Variants in KCNH5 observed in about 807,000 individuals in gnomAD.
KCNH5 encodes the protein voltage-gated delayed rectifier potassium channel KCNH5.
Under a neutral mutation model 96.1 loss-of-function variants are expected in KCNH5, and 46 were observed. The observed-to-expected ratio is 0.48, with a 90% CI of 0.38 to 0.61. The LOEUF (loss-of-function observed/expected upper bound fraction) is 0.61. Ranked by LOEUF, KCNH5 falls within the 20% of genes least tolerant of loss-of-function variation. The pLI, the probability that KCNH5 is intolerant of heterozygous loss-of-function variation, is 0.00. For missense variants in KCNH5, 907 were observed against 1,225.8 expected (o/e 0.74, Z 3.88); for synonymous variants, 439 against 449.8 (o/e 0.98, Z 0.30).
chr14:62,892,096 G>A lies in KCNH5; in HGVS notation c.1370-42244C>T, dbSNP rs188984507. On this transcript the variant is annotated intron_variant, in intron 7 of 10. Transcript: ENST00000322893. ...AGCTAGAAATAATTAAGCTTAGTGA[G>A]GAAGGTATGCCAAAAGCTGAAAGAG... is the stretch of plus-strand genomic sequence containing the variant. 1.4e-3 allele frequency among the ~76,000 whole-genome samples: 218 copies of A among 152,246 alleles called. 2 individuals carry two copies. In the Middle Eastern group the frequency reaches 0.024, roughly 17 times the overall value.
At chr14:62,957,143 G>C (rs117320010) in intron 6 of KCNH5, among the ~76,000 whole-genome samples, 184 of 152,270 alleles carry the variant, frequency 1.2e-3, no homozygotes, top group Admixed American at 3.0e-3. Context: ...AGTAGCACAA[G>C]GAACAGTATC....
intron 6 of KCNH5, among the ~76,000 whole-genome samples, chr14:62,966,646 T>C (rs759524484): frequency 3.0e-4 from 46 of 152,328 alleles, no homozygotes; most frequent in Admixed American, 6.5e-4. Context: ...CCTGCTCAGA[T>C]AAATGGTTTG....
At chr14:63,017,729 G>A (rs1476753569) in intron 1 of KCNH5, among the ~76,000 whole-genome samples, 1 of 150,950 alleles carries the variant, frequency 6.6e-6, no homozygotes. Context: ...AAATATATAA[G>A]TGAACACATT....
At chr14:63,003,787 A>C (rs1891074787) in intron 3 of KCNH5, among the ~76,000 whole-genome samples, 1 of 149,398 alleles carries the variant, frequency 6.7e-6, no homozygotes, top group Admixed American at 6.8e-5. Flanking sequence ...CGCCCGGCTA[A>C]TTTTTTGTAT....
At chr14:62,813,050 TCAGATTG>T (rs1886904055) in intron 8 of KCNH5, among the ~76,000 whole-genome samples, 1 of 152,116 alleles carries the variant, frequency 6.6e-6, no homozygotes, top group Admixed American at 6.6e-5. Context: ...TGTACCTATA[TCAGATTG>T]TCTAAGCACA....
At position 62,823,808 on chromosome 14, in the gene KCNH5, T is replaced by C. The variant is rs368713490; in HGVS notation, c.1570-21227A>G. 3.3e-5 allele frequency among the ~76,000 whole-genome samples: 5 copies of C among 152,056 alleles called. No individual in the cohort carries two copies. In the South Asian group the frequency reaches 1.0e-3, roughly 31 times the overall value. On this transcript the variant is annotated intron_variant, in intron 8 of 10. Transcript: ENST00000322893. Reference sequence around the variant, plus strand: ...TACTATTATATTTCTCTGACATTTATGCATCCCTGCTTGTCAATATGACTA... The same window carrying C: ...TACTATTATATTTCTCTGACATTTACGCATCCCTGCTTGTCAATATGACTA...
intron 8 of KCNH5, among the ~76,000 whole-genome samples, chr14:62,818,482 T>A (rs1887045868): frequency 6.6e-6 from 1 of 152,102 alleles, no homozygotes; most frequent in African/African-American, 2.4e-5. Flanking sequence ...AATACACACA[T>A]CACAGTGGCT....
intron 8 of KCNH5, among the ~76,000 whole-genome samples, chr14:62,840,289 A>T (rs1487935834): frequency 6.6e-6 from 1 of 152,106 alleles, no homozygotes; most frequent in Non-Finnish European, 1.5e-5. Context: ...AGTATAAGGT[A>T]TAGAGAAATA....
intron 10 of KCNH5, among the ~76,000 whole-genome samples, chr14:62,717,325 T>C (rs920834903): frequency 1.3e-5 from 2 of 152,080 alleles, no homozygotes; most frequent in Admixed American, 1.3e-4. Context: ...CCCAGAATAG[T>C]TGAAACAATA....
intron 8 of KCNH5, among the ~76,000 whole-genome samples, chr14:62,810,830 A>G (rs1886858554): frequency 6.6e-6 from 1 of 152,066 alleles, no homozygotes; most frequent in Non-Finnish European, 1.5e-5. Context: ...TTTCTTAATA[A>G]ACTTGCTTAA....
At chr14:62,949,518 G>A (rs1245662780) in intron 7 of KCNH5, among the ~76,000 whole-genome samples, 1 of 152,132 alleles carries the variant, frequency 6.6e-6, no homozygotes, top group Non-Finnish European at 1.5e-5. Flanking sequence ...TGTTCCTTTA[G>A]GGGGTATTCT....
chr14:62,746,105 T>C lies in KCNH5; in HGVS notation c.2019+33623A>G, dbSNP rs150284052. The stretch of plus-strand genomic sequence containing the variant: ...GTGTGAATTCATCAAATGGAAATTT[T>C]ACAATTTTCTCACGACCTGGCTCTG... On this transcript the variant is annotated intron_variant, in intron 10 of 10. Transcript: ENST00000322893. Among the ~76,000 whole-genome samples, 32 of 152,340 alleles carry C rather than the reference T, an allele frequency of 2.1e-4. No homozygotes were observed. In the East Asian group the frequency reaches 4.8e-3, roughly 23 times the overall value.
chr14:62,934,260 G>T (rs956478894), intron 7 of KCNH5, among the ~76,000 whole-genome samples: 1 of 151,870 alleles, frequency 6.6e-6, no homozygotes, highest in Non-Finnish European at 1.5e-5. Context: ...CCTAGTAGCT[G>T]AGACTACAGG....
chr14:63,022,243 G>A (rs11624884), intron 1 of KCNH5, among the ~76,000 whole-genome samples: 43,674 of 151,814 alleles, frequency 0.29, 7,478 homozygotes, highest in East Asian at 0.57. Flanking sequence ...CATTACCCTC[G>A]TATCTAATTA....
At chr14:62,838,574 G>T (rs1410653365) in intron 8 of KCNH5, among the ~76,000 whole-genome samples, 1 of 152,096 alleles carries the variant, frequency 6.6e-6, no homozygotes, top group African/African-American at 2.4e-5. Flanking sequence ...GAGTGGGAAG[G>T]ATAAGGAAAG....
intron 10 of KCNH5, among the ~76,000 whole-genome samples, chr14:62,765,789 T>A (rs1223544109): frequency 1.3e-5 from 2 of 151,984 alleles, no homozygotes; most frequent in Non-Finnish European, 2.9e-5. Flanking sequence ...TGGGCAAAAA[T>A]TTCTTGAGCA....
intron 7 of KCNH5, among the ~76,000 whole-genome samples, chr14:62,890,584 A>G (rs2140084680): frequency 6.6e-6 from 1 of 151,618 alleles, no homozygotes; most frequent in Middle Eastern, 3.4e-3. Flanking sequence ...CTGTAGTCCC[A>G]GCTACTTGGG....
chr14:62,960,886 C>A lies in KCNH5; in HGVS notation c.943-10327G>T, dbSNP rs145582493. ...TGCATAAAACCTGTATTAGCCAATT[C>A]ATATTCTAATTGAAACACAGTGGCA... On this transcript the variant is annotated intron_variant, in intron 6 of 10. Transcript: ENST00000322893. 1.8e-3 allele frequency among the ~76,000 whole-genome samples: 281 copies of A among 152,266 alleles called. 2 individuals carry two copies. The highest frequency in any genetic ancestry group is 6.6e-3 in the African/African-American group (275 of 41,560).
chr14:62,863,622 A>G (rs910197800), intron 7 of KCNH5, among the ~76,000 whole-genome samples: 8 of 152,208 alleles, frequency 5.3e-5, no homozygotes, highest in African/African-American at 1.9e-4. Flanking sequence ...CATTTAGTGC[A>G]ATTATTTCAT....
Sources: allele counts gnomAD v4.1 joint callset (sites outside exome capture counted in the v4.1 genomes callset), GRCh38; gene constraint gnomAD v4.1.1; transcripts MANE v1.5; gene names NCBI Gene and HGNC (gene_info 2026-07-23, HGNC 2026-07-21).